Variants in PREPL observed in about 807,000 individuals in gnomAD.
PREPL encodes the protein prolyl endopeptidase-like.
PREPL carries 77 observed loss-of-function variants against 70.6 expected under a neutral mutation model. That is an observed-to-expected ratio of 1.09 (90% CI 0.91 to 1.32). The LOEUF (loss-of-function observed/expected upper bound fraction) is 1.32, where lower values mean the gene tolerates loss of function less well. Ranked by LOEUF, PREPL falls within the 40% of genes most tolerant of loss-of-function variation. The probability of loss-of-function intolerance (pLI) is 0.00; values close to 1 mark genes in which losing one functional copy is unlikely to be tolerated. For synonymous variants in PREPL, 315 were observed against 264.8 expected (o/e 1.19, Z -1.84); for missense variants, 1,002 against 778.2 (o/e 1.29, Z -3.42).
Position 44,320,380 on chromosome 2 carries a change from G to C in PREPL, c.*976C>G. ...ATCTTTATCGTGGTTCTGAATTTTG[G>C]AGAATCAACACTGTTAAATCTACAT... On this transcript the variant is annotated 3_prime_UTR_variant, in exon 14 of 14. Transcript: ENST00000409411. 4 of 1,614,018 alleles carry C rather than the reference G, an allele frequency of 2.5e-6. No homozygotes were observed. The highest frequency in any genetic ancestry group is 2.5e-6 in the Non-Finnish European group (3 of 1,179,928).
At chr2:44,346,925 A>G (rs1675892210) in intron 1 of PREPL, among the ~76,000 whole-genome samples, 1 of 152,120 alleles carries the variant, frequency 6.6e-6, no homozygotes, top group Non-Finnish European at 1.5e-5. Context: ...CATTAACTAT[A>G]ATTTTTTACT....
At chr2:44,342,903 G>A (rs1675384184) in intron 4 of PREPL, among the ~76,000 whole-genome samples, 1 of 152,182 alleles carries the variant, frequency 6.6e-6, no homozygotes, top group Non-Finnish European at 1.5e-5. Context: ...CTGTAAGTCT[G>A]AAGGAATATT....
intron 1 of PREPL, among the ~76,000 whole-genome samples, chr2:44,358,624 A>G (rs180676335): frequency 1.3e-5 from 2 of 152,222 alleles, no homozygotes; most frequent in Non-Finnish European, 2.9e-5. Flanking sequence ...CACTATTAAT[A>G]ATTACACAGG....
At position 44,329,002 on chromosome 2, in the gene PREPL, C is replaced by T. The variant is rs764936133; in HGVS notation, c.1197G>A (p.Met399Ile). ...GGACCCGCCTCTCAGGCCTGAAATT[C>T]ATTTTCAAATCCATTCCATAAGCTC... ...VYGAYGMDLK[M>I]NFRPERRVLV... The change falls in exon 9 of 14, where the codon ATG becomes ATA. Residue 399 changes from methionine (M) to isoleucine (I), a missense_variant. By Grantham distance (10) the Met-to-Ile change is conservative. Coordinates refer to ENST00000409411, the MANE Select transcript of PREPL (RefSeq NM_001171613.2). 2.5e-6 allele frequency: 4 copies of T among 1,614,026 alleles called. No individual in the cohort carries two copies. Among genetic ancestry groups the T allele is most frequent in the Non-Finnish European group, 8.5e-7 (1 of 1,180,000 alleles).
intron 7 of PREPL, among the ~76,000 whole-genome samples, chr2:44,338,094 T>C (rs184223545): frequency 5.6e-4 from 86 of 152,252 alleles, no homozygotes; most frequent in African/African-American, 1.9e-3. Flanking sequence ...GAAAGAGAAA[T>C]ATTAGCACTC....
intron 1 of PREPL, chr2:44,359,885 T>C (rs1677488119): frequency 3.5e-6 from 2 of 570,104 alleles, no homozygotes; most frequent in Non-Finnish European, 6.2e-6. Context: ...AGACAGCTGA[T>C]AACTTAGGCT....
Position 44,355,269 on chromosome 2 carries a change from C to T in PREPL, c.-49+6111G>A, listed in dbSNP as rs574903665. Among the ~76,000 whole-genome samples the T allele has an allele frequency of 2.0e-5, 3 of 152,296 alleles. No individual in the cohort carries two copies. The East Asian group carries it at 5.8e-4, about 29-fold the overall frequency. ...GTCTCAAATAAAATGTAATCAGGGC[C>T]AGCTGCGGTGGCTCATGCCTGTAAT... is the stretch of plus-strand genomic sequence containing the variant. On this transcript the variant is annotated intron_variant, in intron 1 of 13. Coordinates refer to ENST00000409411, the MANE Select transcript of PREPL (RefSeq NM_001171613.2).
intron 1 of PREPL, among the ~76,000 whole-genome samples, chr2:44,357,086 G>A (rs1459205411): frequency 2.0e-5 from 3 of 152,202 alleles, no homozygotes; most frequent in Non-Finnish European, 4.4e-5. Context: ...GATTACTGGC[G>A]TGAGCCAGTA....
rs1572833911 is a variant in PREPL at position 44,321,241 on chromosome 2, A to T, written c.*115T>A. ...AAATTTAGATGGAGAAGCACATTTT[A>T]AAAAATTAATAACTTAAAAGTCTCA... On this transcript the variant is annotated 3_prime_UTR_variant, in exon 14 of 14. Coordinates refer to ENST00000409411, the MANE Select transcript of PREPL (RefSeq NM_001171613.2). 1.1e-6 allele frequency: 1 copy of T among 937,570 alleles called. No homozygotes were observed. The highest frequency in any genetic ancestry group is 1.6e-6 in the Non-Finnish European group (1 of 627,162). 58.1% of individuals were successfully genotyped at this position (937,570 alleles called of 1,614,324 possible).
Position 44,326,769 on chromosome 2 carries a change from C to T in PREPL, c.1422G>A (p.Val474=), listed in dbSNP as rs1230522384. The T allele has an allele frequency of 6.2e-7, 1 of 1,614,064 alleles. No homozygotes were observed. The highest frequency in any genetic ancestry group is 2.2e-5 in the East Asian group (1 of 44,894). The change falls in exon 10 of 14, where the codon GTG becomes GTA. Residue 474 remains valine, a synonymous_variant. Transcript: ENST00000409411. ...TTLTAFSAGG[V]LAGALCNSNP... is the part of the protein sequence containing the mutation. Reference sequence around the variant, plus strand: ...TAGAATTACACAATGCTCCTGCAAGCACCCCTCCAGCACTGAAAGCAGTCA... The same window carrying T: ...TAGAATTACACAATGCTCCTGCAAGTACCCCTCCAGCACTGAAAGCAGTCA...
rs757801204 is a variant in PREPL at position 44,320,353 on chromosome 2, G to A, written c.*1003C>T. ...ACAAGAGAGCTGGATGGCATCGACA[G>A]AATCTTTATCGTGGTTCTGAATTTT... On this transcript the variant is annotated 3_prime_UTR_variant, in exon 14 of 14. Transcript: ENST00000409411. 1 of 1,614,142 alleles carries A rather than the reference G, an allele frequency of 6.2e-7. No homozygotes were observed. Among genetic ancestry groups the A allele is most frequent in the Non-Finnish European group, 8.5e-7 (1 of 1,179,982 alleles).
chr2:44,349,735 C>T (rs968955220), intron 1 of PREPL, among the ~76,000 whole-genome samples: 15 of 151,782 alleles, frequency 9.9e-5, no homozygotes, highest in East Asian at 5.8e-4. Context: ...GAGGCCAAGG[C>T]GGGTGGATCA....
Position 44,323,081 on chromosome 2 carries a change from A to G in PREPL, c.1629+181T>C, listed in dbSNP as rs187291031. On this transcript the variant is annotated intron_variant, in intron 11 of 13. Transcript: ENST00000409411. The stretch of plus-strand genomic sequence containing the variant: ...TAGCTAATTTAGTAATTAAGGCATG[A>G]TAAGTCTATTCCCCTGAGGTATTAA... Among the ~76,000 whole-genome samples, 553 of 152,312 alleles carry G rather than the reference A, an allele frequency of 3.6e-3. 1 individual carries two copies. Among genetic ancestry groups the G allele is most frequent in the Non-Finnish European group, 5.6e-3 (378 of 68,012 alleles).
intron 8 of PREPL, among the ~76,000 whole-genome samples, chr2:44,330,068 A>T (rs1231181223): frequency 6.6e-6 from 1 of 152,156 alleles, no homozygotes; most frequent in Non-Finnish European, 1.5e-5. Context: ...TCTTCTTTAA[A>T]ATACCCAAGT....
intron 1 of PREPL, among the ~76,000 whole-genome samples, chr2:44,349,988 G>C (rs1336191050): frequency 6.6e-6 from 1 of 152,056 alleles, no homozygotes; most frequent in Non-Finnish European, 1.5e-5. Context: ...ACCAAGCCCA[G>C]ATGCTTTCAA....
chr2:44,339,861 A>T (rs1675024766), intron 5 of PREPL, among the ~76,000 whole-genome samples: 1 of 152,148 alleles, frequency 6.6e-6, no homozygotes, highest in Non-Finnish European at 1.5e-5. Flanking sequence ...CTTTCTCTGC[A>T]TGCATTTTGG....
intron 1 of PREPL, among the ~76,000 whole-genome samples, chr2:44,348,129 A>G (rs1161624582): frequency 1.3e-5 from 2 of 152,112 alleles, no homozygotes; most frequent in Non-Finnish European, 2.9e-5. Context: ...GGCTCAAGCA[A>G]TCTTCCTGCC....
At chr2:44,336,926 C>G (rs1037631410) in intron 7 of PREPL, among the ~76,000 whole-genome samples, 5 of 151,956 alleles carry the variant, frequency 3.3e-5, no homozygotes, top group African/African-American at 1.2e-4. Flanking sequence ...CTTATTTATA[C>G]CAATAAAACA....
intron 1 of PREPL, among the ~76,000 whole-genome samples, chr2:44,358,536 G>C (rs912463408): frequency 1.3e-5 from 2 of 152,162 alleles, no homozygotes; most frequent in African/African-American, 2.4e-5. Flanking sequence ...AGCACAAATA[G>C]ATCATTTAAT....
Sources: gnomAD v4.1 joint callset for allele counts (sites outside exome capture counted in the v4.1 genomes callset) on GRCh38, gnomAD v4.1.1 for gene constraint, MANE v1.5 for transcripts, NCBI Gene and HGNC (gene_info 2026-07-23, HGNC 2026-07-21) for gene names.